The following ATP5MC3 variants were observed in gnomAD, a reference collection of about 807,000 sequenced individuals.
The protein encoded by ATP5MC3 is ATP synthase F(0) complex subunit C3, mitochondrial.
ATP5MC3 carries 6 observed loss-of-function variants against 15.6 expected under a neutral mutation model. The ratio of observed to expected loss-of-function variants is 0.38; its 90% CI spans 0.21 to 0.76. The LOEUF (loss-of-function observed/expected upper bound fraction) is 0.76. Ranked by LOEUF, ATP5MC3 falls within the 30% of genes least tolerant of loss-of-function variation. ATP5MC3 has a pLI of 0.44. For missense variants in ATP5MC3, 132 were observed against 171.2 expected (o/e 0.77, Z 1.28); for synonymous variants, 66 against 63.3 (o/e 1.04, Z -0.20).
chr2:175,180,072 C>T, intron 3 of ATP5MC3, 26 bp downstream of exon 3: 3 of 1,545,612 alleles, frequency 1.9e-6, no homozygotes, highest in Non-Finnish European at 2.6e-6. Flanking sequence ...GTAGTGTTAC[C>T]TAATTTCAAT....
rs141520961 is a variant in ATP5MC3 at position 175,179,063 on chromosome 2, T to C, written c.308A>G (p.Tyr103Cys). The change falls in exon 4 of 5, where the codon TAT becomes TGT. Residue 103 changes from tyrosine to cysteine, a missense_variant. Transcript: ENST00000284727. The stretch of plus-strand genomic sequence containing the variant: ...TAGGGATAGAAATGATTACCTGGCA[T>C]AACCAATGATAAGGCTGCCAAAGAC... Reference protein sequence around the residue: ...GTVFGSLIIGYARNPSLKQQL... With the variant: ...GTVFGSLIIGCARNPSLKQQL... 6.2e-7 allele frequency: 1 copy of C among 1,613,018 alleles called. No individual in the cohort carries two copies. The highest frequency in any genetic ancestry group is 1.1e-5 in the South Asian group (1 of 91,066).
Position 175,181,691 on chromosome 2 carries a change from G to A in ATP5MC3, c.-109C>T, listed in dbSNP as rs138805552. On this transcript the variant is annotated 5_prime_UTR_variant, in exon 1 of 5. Transcript: ENST00000284727. The stretch of plus-strand genomic sequence containing the variant: ...GGCGGCGGCGGCACGGGCTGCGGCA[G>A]AGGTCGAAGGAGTGGGACTCAATGC... The A allele has an allele frequency of 5.4e-5, 23 of 429,398 alleles. No individual in the cohort carries two copies. Among genetic ancestry groups the A allele is most frequent in the East Asian group, 3.2e-4 (8 of 24,852 alleles). The allele number at this position is 429,398 out of a possible 1,614,324, so 26.6% of individuals were successfully genotyped here.
At chr2:175,179,323 G>T in intron 3 of ATP5MC3, 73 bp from the exon 4 acceptor site, 1 of 1,483,024 alleles carries the variant, frequency 6.7e-7, no homozygotes, top group African/African-American at 1.4e-5. Context: ...ATACCATATT[G>T]TCAAAATGAT....
At chr2:175,179,403 G>A (rs1700736587) in intron 3 of ATP5MC3, among the ~76,000 whole-genome samples, 153 bp from the exon 4 acceptor site, 1 of 152,232 alleles carries the variant, frequency 6.6e-6, no homozygotes, top group Admixed American at 6.5e-5. Context: ...TCACTCTTGT[G>A]TAACAGGGAT....
In ATP5MC3 at chr2:175,181,665, A is replaced by AGGCGGC. The variant is rs1046707933; in HGVS notation, c.-89_-84dup. On this transcript the variant is annotated 5_prime_UTR_variant, in exon 1 of 5. Coordinates refer to ENST00000284727, the MANE Select transcript of ATP5MC3 (RefSeq NM_001689.5). ...TGTGCCCTCCACTTACCTTCCCAGG[A>AGGCGGC]GGCGGCGGCGGCACGGGCTGCGGCA... 2 of 482,130 alleles carry AGGCGGC rather than the reference A, an allele frequency of 4.1e-6. No individual in the cohort carries two copies. Among genetic ancestry groups the AGGCGGC allele is most frequent in the Non-Finnish European group, 7.3e-6 (2 of 273,388 alleles). The allele number at this position is 482,130 out of a possible 1,614,324, so 29.9% of individuals were successfully genotyped here.
chr2:175,178,278 C>T lies in ATP5MC3; in HGVS notation c.*10G>A. On this transcript the variant is annotated 3_prime_UTR_variant, in exon 5 of 5. Coordinates refer to ENST00000284727, the MANE Select transcript of ATP5MC3 (RefSeq NM_001689.5). ...TTAATATGAATGCCAACATGTCAAG[C>T]AGTAATTTGTTACATGGCAAACAAA... is the stretch of plus-strand genomic sequence containing the variant. The T allele has an allele frequency of 6.2e-7, 1 of 1,602,528 alleles. No individual in the cohort carries two copies. Among genetic ancestry groups the T allele is most frequent in the Non-Finnish European group, 8.5e-7 (1 of 1,176,854 alleles).
In ATP5MC3 at chr2:175,181,419, T is replaced by C. The variant is rs1700769934; in HGVS notation, c.-26A>G. The C allele has an allele frequency of 1.9e-6, 3 of 1,612,892 alleles. No individual in the cohort carries two copies. The highest frequency in any genetic ancestry group is 2.5e-6 in the Non-Finnish European group (3 of 1,179,526). On this transcript the variant is annotated 5_prime_UTR_variant, in exon 2 of 5. Transcript: ENST00000284727. Reference sequence around the variant, plus strand: ...CTTACACTCTTCGGGACTGCGCGGCTGGAGATATTGGGTGACAGGCGACGT... The same window carrying C: ...CTTACACTCTTCGGGACTGCGCGGCCGGAGATATTGGGTGACAGGCGACGT...
In ATP5MC3 at chr2:175,176,464, C is replaced by T. The variant is rs934115606; in HGVS notation, c.*1824G>A. On this transcript the variant is annotated 3_prime_UTR_variant, in exon 5 of 5. Transcript: ENST00000284727. ...TATTTACAATGTTGTGCAACCATCA[C>T]CACTAATTCATCAAATTTTAATAAT... 2.6e-5 allele frequency: 4 copies of T among 152,110 alleles called. No homozygotes were observed. The highest frequency in any genetic ancestry group is 7.2e-5 in the African/African-American group (3 of 41,420). 9.4% of individuals were successfully genotyped at this position (152,110 alleles called of 1,614,324 possible). A position where few individuals can be genotyped will look rare whatever the true frequency, so the allele number is the denominator to read the frequency against.
rs2105413008 is a variant in ATP5MC3, at chr2:175,177,833, T to C, written c.*455A>G. 1 of 152,408 alleles carries C rather than the reference T, an allele frequency of 6.6e-6. No homozygotes were observed. The highest frequency in any genetic ancestry group is 1.5e-5 in the Non-Finnish European group (1 of 68,082). 9.4% of individuals were successfully genotyped at this position (152,408 alleles called of 1,614,324 possible). A position where few individuals can be genotyped will look rare whatever the true frequency, so the allele number is the denominator to read the frequency against. ...GTCAGTCTTGGAAGGTGATTCTGAT[T>C]TGAAGTATTCTAACTGATGTTAGAC... is the stretch of plus-strand genomic sequence containing the variant. On this transcript the variant is annotated 3_prime_UTR_variant, in exon 5 of 5. Coordinates refer to ENST00000284727, the MANE Select transcript of ATP5MC3 (RefSeq NM_001689.5).
At position 175,181,680 on chromosome 2, in the gene ATP5MC3, G is replaced by A. The variant is rs2217675; in HGVS notation, c.-98C>T. On this transcript the variant is annotated 5_prime_UTR_variant, in exon 1 of 5. Transcript: ENST00000284727. Reference sequence around the variant, plus strand: ...CCTTCCCAGGAGGCGGCGGCGGCACGGGCTGCGGCAGAGGTCGAAGGAGTG... The same window carrying A: ...CCTTCCCAGGAGGCGGCGGCGGCACAGGCTGCGGCAGAGGTCGAAGGAGTG... 17,247 of 477,666 alleles carry A rather than the reference G, an allele frequency of 0.036. 436 individuals carry two copies. The highest frequency in any genetic ancestry group is 0.099 in the Admixed American group (2,464 of 24,852). 29.6% of individuals were successfully genotyped at this position (477,666 alleles called of 1,614,324 possible).
chr2:175,179,852 T>C lies in ATP5MC3; in HGVS notation c.120+246A>G, dbSNP rs1700743040. 5 of 442,372 alleles carry C rather than the reference T, an allele frequency of 1.1e-5. No homozygotes were observed. The South Asian group carries it at 1.2e-4, about 11-fold the overall frequency. 27.4% of individuals were successfully genotyped at this position (442,372 alleles called of 1,614,324 possible). On this transcript the variant is annotated intron_variant, in intron 3 of 4. Transcript: ENST00000284727. ...ACTGTAGCTATTATAATTTTAAATA[T>C]AGGCAACTTAAATCAATAGACTTGA...
chr2:175,179,261 G>A lies in ATP5MC3; in HGVS notation c.121-11C>T. On this transcript the variant is annotated splice_polypyrimidine_tract_variant and intron_variant, in intron 3 of 4. Transcript: ENST00000284727. ...AAATACCGTAGAGCCCTGGAAAACAGAAAATAAAGGTAAAGGTCGTATCAG... is the reference window on the plus strand; with the variant it reads ...AAATACCGTAGAGCCCTGGAAAACAAAAAATAAAGGTAAAGGTCGTATCAG... The A allele has an allele frequency of 6.3e-7, 1 of 1,597,560 alleles. No homozygotes were observed. The highest frequency in any genetic ancestry group is 8.6e-7 in the Non-Finnish European group (1 of 1,167,818).
In ATP5MC3 at chr2:175,181,701, G is replaced by A. The variant is rs1700779417; in HGVS notation, c.-119C>T. On this transcript the variant is annotated 5_prime_UTR_variant, in exon 1 of 5. Transcript: ENST00000284727. ...GCACGGGCTGCGGCAGAGGTCGAAG[G>A]AGTGGGACTCAATGCGCAAGCGCGG... is the stretch of plus-strand genomic sequence containing the variant. 7.6e-6 allele frequency: 3 copies of A among 394,474 alleles called. No homozygotes were observed. The highest frequency in any genetic ancestry group is 8.5e-5 in the East Asian group (2 of 23,410). 24.4% of individuals were successfully genotyped at this position (394,474 alleles called of 1,614,324 possible).
Position 175,179,182 on chromosome 2 carries a change from A to G in ATP5MC3, c.189T>C (p.Ser63=). ...SQLIQREFQT[S]AISRDIDTAA... ...CAGTATCAATGTCTCTGCTGATTGC[A>G]CTGGTCTGAAACTCCCTTTGGATTA... The change falls in exon 4 of 5, where the codon AGT becomes AGC. Residue 63 remains serine (S), a synonymous_variant. Coordinates refer to ENST00000284727, the MANE Select transcript of ATP5MC3 (RefSeq NM_001689.5). The G allele has an allele frequency of 6.2e-7, 1 of 1,614,218 alleles. No individual in the cohort carries two copies. The highest frequency in any genetic ancestry group is 8.5e-7 in the Non-Finnish European group (1 of 1,180,036).
Position 175,179,219 on chromosome 2 carries a change from C to T in ATP5MC3, c.152G>A (p.Gly51Asp), listed in dbSNP as rs1446055324. ...GSTVFNGAQNGVSQLIQREFQ... is the reference protein window; with the variant it reads ...GSTVFNGAQNDVSQLIQREFQ... Reference sequence around the variant, plus strand: ...CTCCCTTTGGATTAGCTGAGACACACCATTCTGGGCCCCATTAAATACCGT... The same window carrying T: ...CTCCCTTTGGATTAGCTGAGACACATCATTCTGGGCCCCATTAAATACCGT... Residue 51 changes from glycine (G) to aspartate (D), a missense_variant, in exon 4 of 5, where the codon GGT (glycine) becomes GAT (aspartate). Around this residue, in one of 2 missense-constraint regions of ATP5MC3, gnomAD observed 90 missense variants for 86.2 expected, o/e 1.04. Coordinates refer to ENST00000284727, the MANE Select transcript of ATP5MC3 (RefSeq NM_001689.5). 6.2e-7 allele frequency: 1 copy of T among 1,613,946 alleles called. No homozygotes were observed.
rs75964956 is a variant in ATP5MC3, at chr2:175,179,332, A to G, written c.121-82T>C. 4.1e-3 allele frequency: 6,061 copies of G among 1,461,670 alleles called. 202 individuals carry two copies. The Admixed American group carries it at 0.077, about 19-fold the overall frequency. The allele number at this position is 1,461,670 out of a possible 1,614,324, so 90.5% of individuals were successfully genotyped here. Reference sequence around the variant, plus strand: ...AATTAAATACCATATTGTCAAAATGATAACTACTTTTTTATTTTGTAGCTG... The same window carrying G: ...AATTAAATACCATATTGTCAAAATGGTAACTACTTTTTTATTTTGTAGCTG... On this transcript the variant is annotated intron_variant, in intron 3 of 4. Coordinates refer to ENST00000284727, the MANE Select transcript of ATP5MC3 (RefSeq NM_001689.5).
Position 175,181,699 on chromosome 2 carries a change from A to C in ATP5MC3, c.-117T>G, listed in dbSNP as rs973359508. On this transcript the variant is annotated 5_prime_UTR_variant, in exon 1 of 5. Coordinates refer to ENST00000284727, the MANE Select transcript of ATP5MC3 (RefSeq NM_001689.5). ...CGGCACGGGCTGCGGCAGAGGTCGA[A>C]GGAGTGGGACTCAATGCGCAAGCGC... The C allele has an allele frequency of 5.3e-5, 22 of 418,688 alleles. 1 individual carries two copies. Among genetic ancestry groups the C allele is most frequent in the African/African-American group, 4.1e-4 (20 of 48,470 alleles). The allele number at this position is 418,688 out of a possible 1,614,324, so 25.9% of individuals were successfully genotyped here.
rs943263989 is a variant in ATP5MC3 at position 175,176,421 on chromosome 2, A to G, written c.*1867T>C. 2.0e-5 allele frequency: 3 copies of G among 152,198 alleles called. No homozygotes were observed. The highest frequency in any genetic ancestry group is 7.2e-5 in the African/African-American group (3 of 41,442). The allele number at this position is 152,198 out of a possible 1,614,324, so 9.4% of individuals were successfully genotyped here. Reference sequence around the variant, plus strand: ...CATTTTAACCACCTTAAAGTGTACAATTCAGTGACATTTATTATATTTACA... The same window carrying G: ...CATTTTAACCACCTTAAAGTGTACAGTTCAGTGACATTTATTATATTTACA... On this transcript the variant is annotated 3_prime_UTR_variant, in exon 5 of 5. Transcript: ENST00000284727.
At chr2:175,179,373 A>T in intron 3 of ATP5MC3, 123 bp from the exon 4 acceptor site, 1 of 1,248,226 alleles carries the variant, frequency 8.0e-7, no homozygotes, top group South Asian at 2.0e-5. Flanking sequence ...AAAGAGACAA[A>T]TCAAGAGCTT....
Sources: gnomAD v4.1 joint callset for allele counts (sites outside exome capture counted in the v4.1 genomes callset) on GRCh38, gnomAD v4.1.1 for gene constraint, gnomAD v4.1.1 regional missense constraint, MANE v1.5 for transcripts, NCBI Gene and HGNC (gene_info 2026-07-23, HGNC 2026-07-21) for gene names.